The following LRRIQ1 variants were observed in gnomAD, a reference collection of about 807,000 sequenced individuals.
The protein encoded by LRRIQ1 is leucine-rich repeat- and IQ domain-containing protein 1.
A neutral mutation model predicts 211.9 loss-of-function variants in LRRIQ1; 210 were observed. The ratio of observed to expected loss-of-function variants is 0.99; its 90% CI spans 0.89 to 1.11. LRRIQ1 has a LOEUF of 1.11. Among genes scored for constraint, LRRIQ1 ranks in the 50% most tolerant of loss-of-function variants. LRRIQ1 has a pLI of 0.00. For synonymous variants in LRRIQ1, 699 were observed against 650.1 expected (o/e 1.08, Z -1.14); for missense variants, 2,136 against 1,939.5 (o/e 1.10, Z -1.90).
intron 24 of LRRIQ1, among the ~76,000 whole-genome samples, chr12:85,164,387 T>C (rs1409299477): frequency 2.6e-5 from 4 of 152,202 alleles, no homozygotes. Flanking sequence ...TTTCTCATTA[T>C]TTTTCATCTA....
At chr12:85,188,621 A>T (rs1319320660) in intron 24 of LRRIQ1, among the ~76,000 whole-genome samples, 1 of 152,104 alleles carries the variant, frequency 6.6e-6, no homozygotes, top group African/African-American at 2.4e-5. Context: ...CTCTTATCTG[A>T]TTGTTACATA....
chr12:85,253,929 C>T (rs1565930118), intron 1 of LRRIQ1, among the ~76,000 whole-genome samples: 1 of 152,014 alleles, frequency 6.6e-6, no homozygotes, highest in Admixed American at 6.6e-5. Flanking sequence ...CTGCTCACAT[C>T]TCATTGAAAT....
intron 16 of LRRIQ1, among the ~76,000 whole-genome samples, chr12:85,123,098 C>CT (rs1240741328): frequency 2.0e-5 from 3 of 150,010 alleles, no homozygotes; most frequent in Non-Finnish European, 2.9e-5. Flanking sequence ...TAATATTGAA[C>CT]TTTTTTTGCA....
chr12:85,049,563 A>G (rs993246366), intron 6 of LRRIQ1, among the ~76,000 whole-genome samples: 1 of 152,054 alleles, frequency 6.6e-6, no homozygotes, highest in African/African-American at 2.4e-5. Context: ...AGCATGTTCA[A>G]TTTCCTCCCA....
chr12:85,123,335 A>G lies in LRRIQ1; in HGVS notation c.3558-735A>G, dbSNP rs535581301. On this transcript the variant is annotated intron_variant, in intron 16 of 26. Transcript: ENST00000393217. ...CAGCTTGTGGCAATATATTAAATATAGCCAGAAAATACAAGTTAGAAATAA... is the reference window on the plus strand; with the variant it reads ...CAGCTTGTGGCAATATATTAAATATGGCCAGAAAATACAAGTTAGAAATAA... Among the ~76,000 whole-genome samples the G allele has an allele frequency of 3.9e-5, 6 of 152,188 alleles. No homozygotes were observed. The South Asian group carries it at 1.2e-3, about 32-fold the overall frequency.
chr12:85,227,092 T>C (rs1233675334), intron 24 of LRRIQ1, among the ~76,000 whole-genome samples: 1 of 150,094 alleles, frequency 6.7e-6, no homozygotes, highest in East Asian at 2.0e-4. Flanking sequence ...TATTTCTAGT[T>C]CTAGATCCTT....
intron 18 of LRRIQ1, among the ~76,000 whole-genome samples, chr12:85,136,217 A>G (rs754243507): frequency 1.2e-4 from 18 of 151,956 alleles, no homozygotes; most frequent in Non-Finnish European, 2.1e-4. Context: ...CAGTGGAAAT[A>G]AAGACCACAC....
chr12:85,124,029 G>A lies in LRRIQ1; in HGVS notation c.3558-41G>A, dbSNP rs150108253. 3,770 of 1,455,256 alleles carry A rather than the reference G, an allele frequency of 2.6e-3. 7 individuals are homozygous for A. Among genetic ancestry groups the A allele is most frequent in the Non-Finnish European group, 3.3e-3 (3,495 of 1,050,096 alleles). 90.1% of individuals were successfully genotyped at this position (1,455,256 alleles called of 1,614,324 possible). On this transcript the variant is annotated intron_variant, in intron 16 of 26. Coordinates refer to ENST00000393217, the MANE Select transcript of LRRIQ1 (RefSeq NM_001079910.2). ...CTTGCACAAGTTTTAATATTTGCTG[G>A]TACTATTCTTATTAAATGTTCTCAT...
intron 24 of LRRIQ1, among the ~76,000 whole-genome samples, chr12:85,187,615 T>A (rs1892283149): frequency 6.6e-6 from 1 of 151,844 alleles, no homozygotes; most frequent in African/African-American, 2.4e-5. Flanking sequence ...GAGACCAGCT[T>A]AGCCAACGTG....
chr12:85,264,267 T>C (rs1045283468), exon 2 of LRRIQ1: 2 of 152,030 alleles, frequency 1.3e-5, no homozygotes, highest in Non-Finnish European at 2.9e-5. Flanking sequence ...TAGATTCATA[T>C]GTGGTGTCCT....
chr12:85,077,551 A>G (rs1883796384), intron 11 of LRRIQ1, among the ~76,000 whole-genome samples: 1 of 152,120 alleles, frequency 6.6e-6, no homozygotes, highest in South Asian at 2.1e-4. Flanking sequence ...GGAAAGAATA[A>G]TTTTCTTAGA....
At chr12:85,129,443 T>C (rs1888603852) in intron 18 of LRRIQ1, among the ~76,000 whole-genome samples, 1 of 152,192 alleles carries the variant, frequency 6.6e-6, no homozygotes. Flanking sequence ...GCTTACATTC[T>C]GTTGGAATAT....
intron 11 of LRRIQ1, among the ~76,000 whole-genome samples, chr12:85,090,507 G>C (rs1885273068): frequency 6.6e-6 from 1 of 152,182 alleles, no homozygotes; most frequent in Admixed American, 6.5e-5. Context: ...CCAGACCTTG[G>C]AAGTCCAACC....
At chr12:85,166,411 T>G (rs2136773819) in intron 24 of LRRIQ1, among the ~76,000 whole-genome samples, 1 of 152,358 alleles carries the variant, frequency 6.6e-6, no homozygotes, top group South Asian at 2.1e-4. Context: ...TGCAGATAAC[T>G]CATGGTTTTA....
intron 26 of LRRIQ1, among the ~76,000 whole-genome samples, chr12:85,233,287 T>A (rs919751919): frequency 2.0e-5 from 3 of 152,012 alleles, no homozygotes; most frequent in Non-Finnish European, 2.9e-5. Context: ...TTGCACTATA[T>A]GCTACTAGAT....
chr12:85,071,395 T>C (rs1050702184), intron 10 of LRRIQ1, among the ~76,000 whole-genome samples: 5 of 152,014 alleles, frequency 3.3e-5, no homozygotes, highest in African/African-American at 1.2e-4. Flanking sequence ...TACTTAATAT[T>C]CTATTGTGTG....
In LRRIQ1 at chr12:85,252,805, C is replaced by A. The variant is rs912805076; in HGVS notation, c.121+7896C>A. On this transcript the variant is annotated intron_variant, in intron 1 of 1. Transcript: ENST00000602731. The stretch of plus-strand genomic sequence containing the variant: ...TTTAAATTTACCCTTAAAAATTGTA[C>A]CTTTGAAGTTATATATGGCCATTTG... Among the ~76,000 whole-genome samples, 5 of 151,774 alleles carry A rather than the reference C, an allele frequency of 3.3e-5. No individual in the cohort carries two copies. The East Asian group carries it at 7.7e-4, about 23-fold the overall frequency.
intron 16 of LRRIQ1, among the ~76,000 whole-genome samples, 191 bp downstream of exon 16, chr12:85,122,067 A>T (rs1888027247): frequency 6.6e-6 from 1 of 152,200 alleles, no homozygotes; most frequent in South Asian, 2.1e-4. Context: ...TATTTTGAAC[A>T]TAATTTCAAA....
At position 85,251,267 on chromosome 12, in the gene LRRIQ1, T is replaced by G. The variant is rs139179924; in HGVS notation, c.121+6358T>G. Reference sequence around the variant, plus strand: ...TGTCAAGAAAGCATTGTTTCATCATTCTTTTTCTCTTTCCTTTCCTCTAAG... The same window carrying G: ...TGTCAAGAAAGCATTGTTTCATCATGCTTTTTCTCTTTCCTTTCCTCTAAG... On this transcript the variant is annotated intron_variant, in intron 1 of 1. Transcript: ENST00000602731. Among the ~76,000 whole-genome samples the G allele has an allele frequency of 4.1e-3, 616 of 151,674 alleles. 2 individuals carry two copies. The highest frequency in any genetic ancestry group is 0.014 in the African/African-American group (587 of 41,440).
Sources: gnomAD v4.1 joint callset for allele counts (sites outside exome capture counted in the v4.1 genomes callset) on GRCh38, gnomAD v4.1.1 for gene constraint, MANE v1.5 for transcripts, NCBI Gene and HGNC (gene_info 2026-07-23, HGNC 2026-07-21) for gene names.